The following ATP8A2 variants were observed in gnomAD, a reference collection of about 807,000 sequenced individuals.
ATP8A2 encodes the protein ATPase phospholipid transporting 8A2, also known as phospholipid-transporting ATPase IB.
Under a neutral mutation model 165.6 loss-of-function variants are expected in ATP8A2, and 100 were observed. That is an observed-to-expected ratio of 0.60 (90% CI 0.51 to 0.71). The LOEUF (loss-of-function observed/expected upper bound fraction) is 0.71. Among genes scored for constraint, ATP8A2 ranks in the 30% least tolerant of loss-of-function variants. ATP8A2 has a pLI of 0.00. For synonymous variants in ATP8A2, 543 were observed against 548.8 expected (o/e 0.99, Z 0.15); for missense variants, 1,227 against 1,479.5 (o/e 0.83, Z 2.80).
At chr13:25,680,219 TTAAGA>T (rs2042456182) in intron 24 of ATP8A2, among the ~76,000 whole-genome samples, 1 of 152,164 alleles carries the variant, frequency 6.6e-6, no homozygotes, top group Non-Finnish European at 1.5e-5. Context: ...GGCAGCTTAG[TTAAGA>T]TGAGTTCATA....
At chr13:25,725,485 C>T (rs900389048) in intron 25 of ATP8A2, among the ~76,000 whole-genome samples, 8 of 152,208 alleles carry the variant, frequency 5.3e-5, no homozygotes, top group African/African-American at 1.4e-4. Flanking sequence ...CCTGAGGGAC[C>T]GAAGATCAGC....
intron 1 of ATP8A2, among the ~76,000 whole-genome samples, chr13:25,397,018 A>G (rs2033449196): frequency 1.3e-5 from 2 of 152,094 alleles, no homozygotes; most frequent in Admixed American, 1.3e-4. Context: ...TGTCTTTGAC[A>G]CCAAAGGCGT....
chr13:25,468,927 G>A (rs2035755383), intron 1 of ATP8A2, 50 bp from the exon 2 acceptor site: 1 of 1,586,386 alleles, frequency 6.3e-7, no homozygotes, highest in Admixed American at 1.7e-5. Context: ...CTCCCGCCTG[G>A]CGGTTGACTT....
chr13:25,951,216 G>A (rs1020026555), intron 33 of ATP8A2, among the ~76,000 whole-genome samples: 4 of 152,172 alleles, frequency 2.6e-5, no homozygotes, highest in Non-Finnish European at 4.4e-5. Context: ...TTAATAATAG[G>A]CCCAAACTGG....
intron 33 of ATP8A2, among the ~76,000 whole-genome samples, chr13:25,916,913 A>G (rs1954285184): frequency 2.6e-5 from 4 of 152,186 alleles, no homozygotes; most frequent in African/African-American, 9.7e-5. Flanking sequence ...CTTGAACTCA[A>G]AAATCACATG....
rs147132348 is a variant in ATP8A2 at position 25,857,467 on chromosome 13, G to A, written c.2957-2728G>A. ...ATGGCTCACTGCAGCCTCAAACTCC[G>A]GAGCTCAAGCAATCCTCCCACCGCA... On this transcript the variant is annotated intron_variant, in intron 30 of 36. Coordinates refer to ENST00000381655, the MANE Select transcript of ATP8A2 (RefSeq NM_016529.6). 3.2e-4 allele frequency among the ~76,000 whole-genome samples: 48 copies of A among 151,998 alleles called. No individual in the cohort carries two copies. The East Asian group carries it at 3.9e-3, about 12-fold the overall frequency.
At chr13:25,811,829 C>A (rs1473108741) in intron 27 of ATP8A2, among the ~76,000 whole-genome samples, 1 of 152,160 alleles carries the variant, frequency 6.6e-6, no homozygotes, top group African/African-American at 2.4e-5. Context: ...CCACTGCACT[C>A]CAGCCTGGGT....
At chr13:25,977,834 C>T (rs978267337) in intron 35 of ATP8A2, among the ~76,000 whole-genome samples, 5 of 152,116 alleles carry the variant, frequency 3.3e-5, no homozygotes, top group African/African-American at 1.2e-4. Context: ...TTAGAAAATG[C>T]CTGGAGAGAA....
At chr13:25,480,928 T>C (rs926089677) in intron 2 of ATP8A2, among the ~76,000 whole-genome samples, 17 of 152,122 alleles carry the variant, frequency 1.1e-4, no homozygotes, top group Middle Eastern at 3.4e-3. Flanking sequence ...CCGAGGCTGG[T>C]GGATCACTCG....
At chr13:25,574,755 T>C in intron 18 of ATP8A2, 53 bp from the exon 19 acceptor site, 2 of 1,039,024 alleles carry the variant, frequency 1.9e-6, no homozygotes, top group Admixed American at 1.7e-5. Flanking sequence ...GACAATTGCT[T>C]TGAGATTTTA....
At chr13:25,884,450 G>A (rs978986812) in intron 33 of ATP8A2, among the ~76,000 whole-genome samples, 19 of 152,150 alleles carry the variant, frequency 1.2e-4, no homozygotes, top group African/African-American at 4.3e-4. Context: ...CACTTCTCGC[G>A]GGTGCCTTCT....
chr13:25,455,138 C>T (rs2035331243), intron 1 of ATP8A2, among the ~76,000 whole-genome samples: 1 of 152,204 alleles, frequency 6.6e-6, no homozygotes, highest in Admixed American at 6.5e-5. Context: ...TACTGCTTCT[C>T]CCCCTCACTG....
intron 1 of ATP8A2, among the ~76,000 whole-genome samples, chr13:25,373,310 T>C (rs560301789): frequency 6.6e-6 from 1 of 152,312 alleles, no homozygotes; most frequent in African/African-American, 2.4e-5. Context: ...TGTATTTCTG[T>C]AGTTGAGTAA....
chr13:25,704,942 C>T (rs761072224), intron 25 of ATP8A2, among the ~76,000 whole-genome samples: 11 of 152,118 alleles, frequency 7.2e-5, no homozygotes, highest in Non-Finnish European at 1.5e-4. Context: ...ACGTTTATTA[C>T]TGATAATACA....
At chr13:25,589,588 C>T in intron 23 of ATP8A2, 47 bp from the exon 24 acceptor site, 2 of 1,454,730 alleles carry the variant, frequency 1.4e-6, no homozygotes, top group Non-Finnish European at 1.9e-6. Context: ...TTAAGGAGCT[C>T]ACAGAAGGAA....
rs187678505 is a variant in ATP8A2 at position 25,542,440 on chromosome 13, A to T, written c.779+394A>T. On this transcript the variant is annotated intron_variant, in intron 9 of 36. Coordinates refer to ENST00000381655, the MANE Select transcript of ATP8A2 (RefSeq NM_016529.6). ...AAGGAGCGTTCATTTGTTTTTAGAAAGTTGAGTGAAATGAACACTTATTCT... is the reference window on the plus strand; with the variant it reads ...AAGGAGCGTTCATTTGTTTTTAGAATGTTGAGTGAAATGAACACTTATTCT... Among the ~76,000 whole-genome samples the T allele has an allele frequency of 5.1e-3, 768 of 151,892 alleles. 5 individuals are homozygous for T. Among genetic ancestry groups the T allele is most frequent in the African/African-American group, 0.018 (746 of 41,360 alleles).
At chr13:25,666,926 A>G (rs1012271907) in intron 24 of ATP8A2, among the ~76,000 whole-genome samples, 1 of 152,192 alleles carries the variant, frequency 6.6e-6, no homozygotes, top group Admixed American at 6.5e-5. Flanking sequence ...CTTTTTTACC[A>G]TAAGCAGAAT....
intron 2 of ATP8A2, among the ~76,000 whole-genome samples, chr13:25,494,586 G>T (rs1164094603): frequency 6.6e-6 from 1 of 152,148 alleles, no homozygotes; most frequent in African/African-American, 2.4e-5. Flanking sequence ...TTTATGAGGG[G>T]CAGGCTCTGT....
chr13:26,006,740 G>T (rs1344729798), intron 35 of ATP8A2, among the ~76,000 whole-genome samples: 2 of 151,778 alleles, frequency 1.3e-5, no homozygotes, highest in African/African-American at 4.8e-5. Flanking sequence ...ACTGAATTTT[G>T]TCAGGTGCTT....
Sources: allele counts gnomAD v4.1 joint callset (sites outside exome capture counted in the v4.1 genomes callset), GRCh38; gene constraint gnomAD v4.1.1; transcripts MANE v1.5; gene names NCBI Gene and HGNC (gene_info 2026-07-23, HGNC 2026-07-21).